Variants in CCDC88C observed in about 807,000 individuals in gnomAD.
CCDC88C encodes the protein coiled-coil and HOOK domain protein 88C.
In CCDC88C, 131 loss-of-function variants were observed where a neutral mutation model predicts 198.8. The ratio of observed to expected loss-of-function variants is 0.66; its 90% CI spans 0.57 to 0.76. The LOEUF (loss-of-function observed/expected upper bound fraction) is 0.76. CCDC88C is among the 30% of genes least tolerant of loss of function. The pLI is 0.00. For missense variants in CCDC88C, 2,553 were observed against 2,631.6 expected, an observed-to-expected ratio of 0.97 and a Z score of 0.65; for synonymous variants, 1,166 against 1,114.7, an observed-to-expected ratio of 1.05 and a Z score of -0.92.
At position 91,314,022 on chromosome 14, in the gene CCDC88C, C is replaced by G; in HGVS notation, c.1794G>C (p.Thr598=). 6.2e-7 allele frequency: 1 copy of G among 1,613,916 alleles called. No homozygotes were observed. Among genetic ancestry groups the G allele is most frequent in the Non-Finnish European group, 8.5e-7 (1 of 1,179,874 alleles). Residue 598 remains threonine, a synonymous_variant, in exon 15 of 30, where the codon ACG becomes ACC. Coordinates refer to ENST00000389857, the MANE Select transcript of CCDC88C (RefSeq NM_001080414.4). ...TGAGCTTGCCATTGGCCTCCGTCAC[C>G]GTCTGGTGGAGGGCTTTGTTCTCCT... ...VEKENKALHQ[T]VTEANGKLSQ...
At chr14:91,398,762 A>C (rs962074888) in intron 3 of CCDC88C, among the ~76,000 whole-genome samples, 41 of 152,182 alleles carry the variant, frequency 2.7e-4, no homozygotes, top group Non-Finnish European at 4.4e-4. Flanking sequence ...GCCTTTTGTT[A>C]AGTGTGGAAA....
chr14:91,346,720 G>A (rs1429156566), intron 4 of CCDC88C, among the ~76,000 whole-genome samples: 1 of 152,164 alleles, frequency 6.6e-6, no homozygotes, highest in African/African-American at 2.4e-5. Context: ...CCAACATGGT[G>A]AAACCTCGAC....
chr14:91,286,811 G>A (rs1270554720), intron 25 of CCDC88C, among the ~76,000 whole-genome samples: 2 of 152,182 alleles, frequency 1.3e-5, no homozygotes, highest in Non-Finnish European at 2.9e-5. Flanking sequence ...CCGGAGTGCG[G>A]CCGACCTGCA....
At position 91,281,858 on chromosome 14, in the gene CCDC88C, G is replaced by A. The variant is rs1226542224; in HGVS notation, c.4631-333C>T. On this transcript the variant is annotated intron_variant, in intron 26 of 29. Coordinates refer to ENST00000389857, the MANE Select transcript of CCDC88C (RefSeq NM_001080414.4). Reference sequence around the variant, plus strand: ...TCCTGGGGAGTCCTTTCCAGTCTCAGAGGCCAGCCCTGAGAGCAATTCGCT... The same window carrying A: ...TCCTGGGGAGTCCTTTCCAGTCTCAAAGGCCAGCCCTGAGAGCAATTCGCT... Among the ~76,000 whole-genome samples, 6 of 152,184 alleles carry A rather than the reference G, an allele frequency of 3.9e-5. No individual in the cohort carries two copies. In the East Asian group the frequency reaches 9.6e-4, roughly 24 times the overall value.
At chr14:91,377,117 A>G (rs760867710) in intron 3 of CCDC88C, among the ~76,000 whole-genome samples, 1 of 152,156 alleles carries the variant, frequency 6.6e-6, no homozygotes, top group Non-Finnish European at 1.5e-5. Context: ...CCACCTGAAC[A>G]AACAAGCTCA....
At position 91,325,684 on chromosome 14, in the gene CCDC88C, C is replaced by G. The variant is rs1892554823; in HGVS notation, c.1197+226G>C. On this transcript the variant is annotated intron_variant, in intron 11 of 29. Coordinates refer to ENST00000389857, the MANE Select transcript of CCDC88C (RefSeq NM_001080414.4). The surrounding 1 kb of genome is among the most constrained non-coding windows in gnomAD (Gnocchi z 4.1). ...CTCAACCTCCCAGGCTCAAGCAACC[C>G]TCCTGCCTCAGTCTCTCCCAAGTAG... is the stretch of plus-strand genomic sequence containing the variant. Among the ~76,000 whole-genome samples, 1 of 152,134 alleles carries G rather than the reference C, an allele frequency of 6.6e-6. No homozygotes were observed. Among genetic ancestry groups the G allele is most frequent in the East Asian group, 1.9e-4 (1 of 5,192 alleles).
At chr14:91,415,439 AG>A (rs896405833) in intron 2 of CCDC88C, among the ~76,000 whole-genome samples, 48 of 152,154 alleles carry the variant, frequency 3.2e-4, no homozygotes, top group African/African-American at 1.1e-3. Flanking sequence ...AAATAAAAGG[AG>A]GCCGGGCACC....
chr14:91,317,743 C>T (rs1450192722), intron 13 of CCDC88C, among the ~76,000 whole-genome samples: 1 of 152,196 alleles, frequency 6.6e-6, no homozygotes, highest in East Asian at 1.9e-4. Context: ...GAGTGTGTGC[C>T]AAGACAGGGC....
chr14:91,295,355 A>G (rs1890955016), intron 22 of CCDC88C, among the ~76,000 whole-genome samples: 1 of 152,234 alleles, frequency 6.6e-6, no homozygotes, highest in Non-Finnish European at 1.5e-5. Context: ...TAAAACAAAT[A>G]CCATAATAAA....
intron 29 of CCDC88C, among the ~76,000 whole-genome samples, chr14:91,274,625 G>T (rs897738262): frequency 2.0e-5 from 3 of 152,246 alleles, no homozygotes; most frequent in African/African-American, 7.2e-5. Flanking sequence ...ACTGGACAGA[G>T]ATACATCTGC....
At chr14:91,374,124 G>A (rs929311990) in intron 3 of CCDC88C, among the ~76,000 whole-genome samples, 8 of 152,206 alleles carry the variant, frequency 5.3e-5, no homozygotes, top group African/African-American at 1.9e-4. Flanking sequence ...AACTGGCTGC[G>A]GGGAGGAAGG....
chr14:91,321,091 T>A (rs1567074585), intron 13 of CCDC88C, 29 bp downstream of exon 13: 1 of 1,580,088 alleles, frequency 6.3e-7, no homozygotes, highest in Middle Eastern at 2.3e-4. Flanking sequence ...GTTCTGTGCT[T>A]CCCCGGTGGC....
chr14:91,404,951 C>T (rs527425628), intron 3 of CCDC88C, among the ~76,000 whole-genome samples: 22 of 144,668 alleles, frequency 1.5e-4, no homozygotes, highest in Middle Eastern at 7.2e-3. Context: ...GGCGACAGAG[C>T]GAGACTCCAT....
intron 4 of CCDC88C, among the ~76,000 whole-genome samples, chr14:91,345,326 G>A (rs1181588731): frequency 1.3e-5 from 2 of 150,978 alleles, no homozygotes; most frequent in Admixed American, 6.6e-5. Flanking sequence ...CCAAGGAGCT[G>A]GGATTACAGG....
Position 91,307,053 on chromosome 14 carries a change from G to T in CCDC88C, c.3180C>A (p.Ile1060=), listed in dbSNP as rs187756622. 1.6e-5 allele frequency: 25 copies of T among 1,612,156 alleles called. No individual in the cohort carries two copies. In the African/African-American group the frequency reaches 2.9e-4, roughly 19 times the overall value. Reference sequence around the variant, plus strand: ...GCCCACTCACATTCCGCTCCAGCTCGATGGCCCGGTCCTTCACTCGGAGAA... The same window carrying T: ...GCCCACTCACATTCCGCTCCAGCTCTATGGCCCGGTCCTTCACTCGGAGAA... The part of the protein sequence containing the change: ...MELLRVKDRA[I]ELERNNAALQ... The change falls in exon 18 of 30, where the codon ATC becomes ATA. Residue 1060 remains isoleucine, a synonymous_variant. Transcript: ENST00000389857.
intron 3 of CCDC88C, among the ~76,000 whole-genome samples, chr14:91,400,336 C>A (rs545353083): frequency 1.3e-5 from 2 of 152,342 alleles, no homozygotes; most frequent in South Asian, 2.1e-4. Context: ...GGACGGGGGA[C>A]CCCCCGCAGA....
intron 3 of CCDC88C, chr14:91,379,215 C>T (rs1479337394): frequency 1.3e-5 from 2 of 152,386 alleles, no homozygotes; most frequent in African/African-American, 2.4e-5. Context: ...AACAGACGCA[C>T]TATGACCCAG....
At chr14:91,359,247 T>TCTGCCTC (rs1166115415) in intron 4 of CCDC88C, among the ~76,000 whole-genome samples, 1 of 130,110 alleles carries the variant, frequency 7.7e-6, no homozygotes, top group African/African-American at 2.9e-5. Flanking sequence ...CACTGCAAGC[T>TCTGCCTC]CCGGGCCATT....
intron 27 of CCDC88C, 170 bp downstream of exon 27, chr14:91,281,284 AAGT>A (rs1890186172): frequency 6.7e-7 from 1 of 1,499,724 alleles, no homozygotes; most frequent in African/African-American, 1.4e-5. Flanking sequence ...GGAGGTATGT[AAGT>A]AGAAGCTACA....
Sources: gnomAD v4.1 joint callset for allele counts (sites outside exome capture counted in the v4.1 genomes callset) on GRCh38, gnomAD v4.1.1 for gene constraint, Gnocchi (gnomAD v3.1) non-coding constraint, MANE v1.5 for transcripts, NCBI Gene and HGNC (gene_info 2026-07-23, HGNC 2026-07-21) for gene names.